REDIC1: variants seen among roughly 807,000 people sequenced by gnomAD.
The protein encoded by REDIC1 is HEI10 Interacting Protein 1.
chr12:39,690,764 G>A, the REDIC1 span, among the ~76,000 whole-genome samples: 1 of 152,056 alleles, frequency 6.6e-6, no homozygotes, highest in Non-Finnish European at 1.5e-5. Flanking sequence ...AGCCCATTCG[G>A]AAAAGAGAAA....
chr12:39,897,653 TTTTTA>T, the REDIC1 span, among the ~76,000 whole-genome samples: 4 of 152,156 alleles, frequency 2.6e-5, no homozygotes, highest in African/African-American at 4.8e-5. Flanking sequence ...GAAGGTGAAT[TTTTTA>T]TTTTATTTAA....
the REDIC1 span, chr12:39,758,831 G>T: frequency 4.0e-5 from 6 of 151,352 alleles, no homozygotes; most frequent in South Asian, 2.1e-4. Flanking sequence ...AATGAGAAAA[G>T]TGTGCAAAAT....
At chr12:39,631,231 C>T in the REDIC1 span, among the ~76,000 whole-genome samples, 4 of 152,088 alleles carry the variant, frequency 2.6e-5, no homozygotes, top group Admixed American at 6.6e-5. Flanking sequence ...ATTTTGATGG[C>T]ATTTTGTTCA....
At chr12:39,876,315 T>A in the REDIC1 span, among the ~76,000 whole-genome samples, 1 of 152,230 alleles carries the variant, frequency 6.6e-6, no homozygotes. Context: ...ATCCTAATGC[T>A]GACTTTTAAC....
the REDIC1 span, among the ~76,000 whole-genome samples, chr12:39,694,136 A>T: frequency 6.6e-6 from 1 of 151,870 alleles, no homozygotes; most frequent in Admixed American, 6.6e-5. Context: ...GGGTTTTGGC[A>T]TTTTTTTTCT....
the REDIC1 span, among the ~76,000 whole-genome samples, chr12:39,822,624 C>T: frequency 2.0e-5 from 3 of 152,216 alleles, no homozygotes; most frequent in African/African-American, 7.2e-5. Context: ...TTATCTTACA[C>T]TCACCATGCA....
At chr12:39,654,433 A>G in the REDIC1 span, among the ~76,000 whole-genome samples, 2 of 151,996 alleles carry the variant, frequency 1.3e-5, no homozygotes, top group Admixed American at 6.5e-5. Context: ...TAAAAATACA[A>G]AAAAATTAGT....
the REDIC1 span, among the ~76,000 whole-genome samples, chr12:39,870,364 C>T: frequency 6.6e-6 from 1 of 152,156 alleles, no homozygotes; most frequent in African/African-American, 2.4e-5. Context: ...TTATTTTTAA[C>T]ACATCACTGC....
At chr12:39,712,379 C>A in the REDIC1 span, among the ~76,000 whole-genome samples, 1 of 123,632 alleles carries the variant, frequency 8.1e-6, no homozygotes, top group Non-Finnish European at 1.7e-5. Context: ...TGTATATATA[C>A]CTATATATAT....
chr12:39,632,051 GTA>G, the REDIC1 span, among the ~76,000 whole-genome samples: 12 of 148,678 alleles, frequency 8.1e-5, no homozygotes, highest in African/African-American at 1.2e-4. Context: ...GTGTAAATTT[GTA>G]TATATATATA....
chr12:39,791,197 T>A, the REDIC1 span, among the ~76,000 whole-genome samples: 2 of 151,554 alleles, frequency 1.3e-5, no homozygotes, highest in African/African-American at 2.4e-5. Flanking sequence ...AAACTCTCAA[T>A]AAATTAGGTA....
the REDIC1 span, among the ~76,000 whole-genome samples, chr12:39,900,161 C>A: frequency 1.1e-4 from 17 of 150,284 alleles, no homozygotes; most frequent in African/African-American, 3.7e-4. Context: ...TAAAAACTCT[C>A]AGTAAATTAG....
chr12:39,642,975 C>A, the REDIC1 span, among the ~76,000 whole-genome samples: 10 of 151,822 alleles, frequency 6.6e-5, 1 homozygote, highest in South Asian at 1.9e-3. Flanking sequence ...CAAATTATGA[C>A]CTCTTGCACT....
chr12:39,628,786 A>C, the REDIC1 span, among the ~76,000 whole-genome samples: 2 of 152,222 alleles, frequency 1.3e-5, no homozygotes, highest in Non-Finnish European at 2.9e-5. Context: ...AATAGGACTT[A>C]ATATTGTCAC....
chr12:39,788,113 T>C, the REDIC1 span, among the ~76,000 whole-genome samples: 2 of 152,166 alleles, frequency 1.3e-5, no homozygotes, highest in Non-Finnish European at 2.9e-5. Context: ...AGGAAACTTA[T>C]GTACTGTTGT....
the REDIC1 span, among the ~76,000 whole-genome samples, chr12:39,642,633 T>C: frequency 6.6e-5 from 10 of 151,702 alleles, no homozygotes; most frequent in African/African-American, 1.7e-4. Context: ...TTATAAGATC[T>C]AGCATTGACT....
the REDIC1 span, among the ~76,000 whole-genome samples, chr12:39,841,123 C>T: frequency 6.6e-6 from 1 of 152,112 alleles, no homozygotes; most frequent in South Asian, 2.1e-4. Flanking sequence ...TAAGATTCAA[C>T]TGACTCCTGA....
At chr12:39,776,824 G>A in the REDIC1 span, among the ~76,000 whole-genome samples, 5 of 152,142 alleles carry the variant, frequency 3.3e-5, no homozygotes, top group African/African-American at 9.7e-5. Flanking sequence ...TGCTTAACAT[G>A]AAAAGTTATA....
the REDIC1 span, among the ~76,000 whole-genome samples, chr12:39,873,768 A>G: frequency 6.6e-6 from 1 of 152,200 alleles, no homozygotes; most frequent in African/African-American, 2.4e-5. Flanking sequence ...TCTAAATTTT[A>G]TTTAAAATGA....
Sources: allele counts gnomAD v4.1 joint callset (sites outside exome capture counted in the v4.1 genomes callset), GRCh38; gene constraint gnomAD v4.1.1; transcripts MANE v1.5; gene names NCBI Gene and HGNC (gene_info 2026-07-23, HGNC 2026-07-21).